Variants in ZHX2 observed in about 807,000 individuals in gnomAD.
The protein encoded by ZHX2 is zinc fingers and homeoboxes protein 2.
ZHX2 carries 6 observed loss-of-function variants against 21.9 expected under a neutral mutation model. The observed-to-expected ratio is 0.27, with a 90% CI of 0.15 to 0.54. The LOEUF is 0.54. Ranked by LOEUF, ZHX2 falls within the 20% of genes least tolerant of loss-of-function variation. The pLI, the probability that ZHX2 is intolerant of heterozygous loss-of-function variation, is 0.95. For missense variants in ZHX2, 908 were observed against 1,090.7 expected (o/e 0.83, Z 2.36); for synonymous variants, 434 against 437.1 (o/e 0.99, Z 0.09).
Position 122,809,918 on chromosome 8 carries a change from T to A in ZHX2, c.-283+27972T>A, listed in dbSNP as rs1817893116. Among the ~76,000 whole-genome samples the A allele has an allele frequency of 2.6e-5, 4 of 152,104 alleles. No individual in the cohort carries two copies. In the South Asian group the frequency reaches 8.3e-4, roughly 32 times the overall value. ...GTCTCTATGAGTTTTCAGAAGGAGT[T>A]AGAAAAGGGTGACTCTGGGGATTGG... On this transcript the variant is annotated intron_variant, in intron 1 of 3. Transcript: ENST00000314393.
Position 122,974,158 on chromosome 8 carries a change from A to G in ZHX2, c.*921A>G, listed in dbSNP as rs1813804104. ...ACAGAGGTGAATGGCTTTGGTTTTC[A>G]TTTCTCTTCTTCACTGCCTTTTCTC... is the stretch of plus-strand genomic sequence containing the variant. On this transcript the variant is annotated 3_prime_UTR_variant, in exon 4 of 4. Coordinates refer to ENST00000314393, the MANE Select transcript of ZHX2 (RefSeq NM_014943.5). 3.3e-5 allele frequency: 5 copies of G among 152,096 alleles called. No individual in the cohort carries two copies. The highest frequency in any genetic ancestry group is 3.3e-4 in the Admixed American group (5 of 15,216). 9.4% of individuals were successfully genotyped at this position (152,096 alleles called of 1,614,324 possible).
At chr8:122,821,982 G>C (rs1402074944) in intron 1 of ZHX2, among the ~76,000 whole-genome samples, 1 of 152,134 alleles carries the variant, frequency 6.6e-6, no homozygotes, top group Non-Finnish European at 1.5e-5. Context: ...TGGGATTACA[G>C]GTATGAGCCA....
At chr8:122,854,334 G>A (rs954634635) in intron 1 of ZHX2, among the ~76,000 whole-genome samples, 2 of 152,226 alleles carry the variant, frequency 1.3e-5, no homozygotes, top group African/African-American at 4.8e-5. Context: ...TAAATTGGGA[G>A]TGCTCCAGGG....
intron 1 of ZHX2, among the ~76,000 whole-genome samples, chr8:122,820,237 G>T (rs1818114607): frequency 6.6e-6 from 1 of 152,188 alleles, no homozygotes; most frequent in African/African-American, 2.4e-5. Flanking sequence ...GGAAGTCCAG[G>T]CTGTGGGGCT....
At chr8:122,838,352 A>G (rs968187141) in intron 1 of ZHX2, among the ~76,000 whole-genome samples, 2 of 152,170 alleles carry the variant, frequency 1.3e-5, no homozygotes, top group African/African-American at 4.8e-5. Context: ...AACTCATTAC[A>G]TGTTCTACTC....
intron 2 of ZHX2, among the ~76,000 whole-genome samples, chr8:122,922,324 AT>A (rs561682186): frequency 3.3e-5 from 5 of 152,138 alleles, no homozygotes; most frequent in Non-Finnish European, 5.9e-5. Context: ...GACAAGCGGG[AT>A]TTTTTTTAAG....
At chr8:122,795,162 GT>G (rs1817594200) in intron 1 of ZHX2, among the ~76,000 whole-genome samples, 1 of 152,258 alleles carries the variant, frequency 6.6e-6, no homozygotes, top group Admixed American at 6.5e-5. Context: ...CCTATAGGAA[GT>G]TCTATGCTCC....
chr8:122,951,190 T>C (rs1404107351), intron 2 of ZHX2, 102 bp from the exon 3 acceptor site: 9 of 277,866 alleles, frequency 3.2e-5, no homozygotes, highest in Non-Finnish European at 4.1e-5. Flanking sequence ...GATGTTCGAT[T>C]TGGGTGCCTG....
At chr8:122,886,591 C>G (rs1295351801) in intron 2 of ZHX2, among the ~76,000 whole-genome samples, 3 of 152,176 alleles carry the variant, frequency 2.0e-5, no homozygotes, top group Non-Finnish European at 4.4e-5. Context: ...TACGGAACCC[C>G]TCTGTACTTC....
intron 1 of ZHX2, among the ~76,000 whole-genome samples, chr8:122,822,524 G>A (rs951859959): frequency 2.0e-5 from 3 of 152,204 alleles, no homozygotes; most frequent in Admixed American, 6.5e-5. Context: ...TTACCCTGAT[G>A]GAGACAGCTT....
At chr8:122,906,615 G>A (rs1358849371) in intron 2 of ZHX2, among the ~76,000 whole-genome samples, 1 of 151,394 alleles carries the variant, frequency 6.6e-6, no homozygotes, top group Non-Finnish European at 1.5e-5. Context: ...AAATAGAGAA[G>A]CAGAGATGGG....
rs74791321 is a variant in ZHX2, at chr8:122,871,979, C to T, written c.-220+8440C>T. 5.8e-3 allele frequency among the ~76,000 whole-genome samples: 886 copies of T among 152,202 alleles called. 9 individuals are homozygous for T. The highest frequency in any genetic ancestry group is 0.02 in the African/African-American group (833 of 41,524). ...TAAGGAGGAAGAAATGGGCATCACC[C>T]GGGTTCTTTTCAAAGCGTATCATCC... On this transcript the variant is annotated intron_variant, in intron 2 of 3. Coordinates refer to ENST00000314393, the MANE Select transcript of ZHX2 (RefSeq NM_014943.5).
intron 2 of ZHX2, among the ~76,000 whole-genome samples, chr8:122,921,420 G>A (rs1418864279): frequency 6.6e-6 from 1 of 152,136 alleles, no homozygotes; most frequent in Non-Finnish European, 1.5e-5. Flanking sequence ...CTGACCACAG[G>A]GATGAGCACT....
intron 2 of ZHX2, among the ~76,000 whole-genome samples, chr8:122,910,034 A>T (rs531582533): frequency 6.6e-6 from 1 of 151,700 alleles, no homozygotes; most frequent in East Asian, 1.9e-4. Flanking sequence ...TGTTCTGTCT[A>T]CTCAGACATC....
intron 1 of ZHX2, among the ~76,000 whole-genome samples, chr8:122,791,463 T>TC (rs1361665535): frequency 6.6e-6 from 1 of 152,156 alleles, no homozygotes; most frequent in Non-Finnish European, 1.5e-5. Context: ...CCACTTTAGT[T>TC]CCCCAAAGTC....
At chr8:122,813,837 G>A (rs1817977779) in intron 1 of ZHX2, among the ~76,000 whole-genome samples, 1 of 152,070 alleles carries the variant, frequency 6.6e-6, no homozygotes, top group South Asian at 2.1e-4. Flanking sequence ...TGCTTAACCT[G>A]TATATGCTAA....
chr8:122,906,666 C>CTTTTTTTT (rs771349214), intron 2 of ZHX2, among the ~76,000 whole-genome samples: 4 of 123,426 alleles, frequency 3.2e-5, no homozygotes, highest in Non-Finnish European at 5.0e-5. Flanking sequence ...ACATAATTTC[C>CTTTTTTTT]TTTTTTTTTT....
chr8:122,840,515 A>G (rs1054147506), intron 1 of ZHX2, among the ~76,000 whole-genome samples: 7 of 152,236 alleles, frequency 4.6e-5, no homozygotes, highest in Non-Finnish European at 7.3e-5. Context: ...TTGTCATTAC[A>G]TTGCATAGAA....
At chr8:122,803,914 T>A (rs1023241044) in intron 1 of ZHX2, among the ~76,000 whole-genome samples, 1 of 152,010 alleles carries the variant, frequency 6.6e-6, no homozygotes, top group African/African-American at 2.4e-5. Flanking sequence ...CTCACTGCTG[T>A]CTCCCCACAG....
Sources: allele counts gnomAD v4.1 joint callset (sites outside exome capture counted in the v4.1 genomes callset), GRCh38; gene constraint gnomAD v4.1.1; transcripts MANE v1.5; gene names NCBI Gene and HGNC (gene_info 2026-07-23, HGNC 2026-07-21).